SGCZ: variants seen among roughly 807,000 people sequenced by gnomAD.
SGCZ encodes the protein zeta-sarcoglycan.
SGCZ carries 40 observed loss-of-function variants against 41.3 expected under a neutral mutation model. That is an observed-to-expected ratio of 0.97 (90% confidence interval 0.75 to 1.26). SGCZ has a LOEUF of 1.26. SGCZ is among the 50% of genes most tolerant of loss of function. The pLI is 0.00. For synonymous variants in SGCZ, 206 were observed against 137.5 expected (o/e 1.50, Z -3.49); for missense variants, 552 against 369.8 (o/e 1.49, Z -4.04).
At chr8:14,351,726 G>A (rs1017295664) in intron 2 of SGCZ, among the ~76,000 whole-genome samples, 1 of 151,974 alleles carries the variant, frequency 6.6e-6, no homozygotes, top group Non-Finnish European at 1.5e-5. Flanking sequence ...ATGGTACAAT[G>A]ATTAATTTCT....
At chr8:15,167,155 C>T (rs1799689347) in intron 1 of SGCZ, among the ~76,000 whole-genome samples, 1 of 152,198 alleles carries the variant, frequency 6.6e-6, no homozygotes, top group Non-Finnish European at 1.5e-5. Context: ...TGGAAACTAT[C>T]TGTGAGTATC....
chr8:14,464,413 T>C (rs1800989068), intron 2 of SGCZ, among the ~76,000 whole-genome samples: 1 of 151,464 alleles, frequency 6.6e-6, no homozygotes, highest in Admixed American at 6.6e-5. Flanking sequence ...AGGACTCTTA[T>C]AATCCTTTTT....
At chr8:14,806,501 G>A (rs375335972) in intron 1 of SGCZ, among the ~76,000 whole-genome samples, 20 of 152,180 alleles carry the variant, frequency 1.3e-4, no homozygotes, top group Middle Eastern at 3.4e-3. Flanking sequence ...TAAATTCCTC[G>A]ACACATACAC....
chr8:14,108,001 C>A (rs1802257602), intron 6 of SGCZ, among the ~76,000 whole-genome samples, 162 bp downstream of exon 6: 1 of 151,158 alleles, frequency 6.6e-6, no homozygotes, highest in South Asian at 2.1e-4. Context: ...TTTGCCTTTT[C>A]TTTTTTTTTC....
chr8:15,181,066 G>T (rs1012130159), intron 1 of SGCZ, among the ~76,000 whole-genome samples: 3 of 151,788 alleles, frequency 2.0e-5, no homozygotes, highest in African/African-American at 7.3e-5. Flanking sequence ...TGAAAATCTT[G>T]CCACTCAATA....
At chr8:14,482,712 C>T (rs1185999611) in intron 2 of SGCZ, among the ~76,000 whole-genome samples, 1 of 151,980 alleles carries the variant, frequency 6.6e-6, no homozygotes, top group Non-Finnish European at 1.5e-5. Flanking sequence ...GGGTGGGGAT[C>T]ATACAACCTG....
At chr8:14,693,305 T>TTC (rs201209091) in intron 1 of SGCZ, among the ~76,000 whole-genome samples, 20 of 151,382 alleles carry the variant, frequency 1.3e-4, no homozygotes, top group African/African-American at 2.9e-4. Flanking sequence ...TTTTTTTTTT[T>TTC]CCCCCAGATG....
chr8:14,310,062 T>C lies in SGCZ; in HGVS notation c.336+14041A>G, dbSNP rs534850642. The stretch of plus-strand genomic sequence containing the variant: ...AGGAAAAAAAAATTCTGTTGTTCCA[T>C]TGTATGCAGGAGCATATTTTGCTGG... On this transcript the variant is annotated intron_variant, in intron 3 of 7. Coordinates refer to ENST00000382080, the MANE Select transcript of SGCZ (RefSeq NM_139167.4). 1.4e-3 allele frequency among the ~76,000 whole-genome samples: 214 copies of C among 152,302 alleles called. 2 individuals carry two copies. Among genetic ancestry groups the C allele is most frequent in the African/African-American group, 4.9e-3 (202 of 41,582 alleles).
intron 5 of SGCZ, among the ~76,000 whole-genome samples, chr8:14,158,534 C>A (rs1289384707): frequency 6.6e-6 from 1 of 152,086 alleles, no homozygotes; most frequent in Non-Finnish European, 1.5e-5. Context: ...CAGCCAGGAA[C>A]AATACCTTGC....
chr8:14,979,679 G>T (rs1801597699), intron 1 of SGCZ, among the ~76,000 whole-genome samples: 1 of 152,130 alleles, frequency 6.6e-6, no homozygotes. Flanking sequence ...TGAATTCGAA[G>T]CTGTGCCTTT....
chr8:15,171,776 T>G (rs1009170451), intron 1 of SGCZ, among the ~76,000 whole-genome samples: 7 of 152,312 alleles, frequency 4.6e-5, no homozygotes, highest in Admixed American at 3.9e-4. Context: ...ATGTGTCGAA[T>G]AGTACATCTC....
chr8:14,827,356 C>A lies in SGCZ; in HGVS notation c.40-272430G>T, dbSNP rs1432253160. Among the ~76,000 whole-genome samples the A allele has an allele frequency of 3.3e-5, 5 of 151,668 alleles. No homozygotes were observed. In the East Asian group the frequency reaches 9.7e-4, roughly 29 times the overall value. On this transcript the variant is annotated intron_variant, in intron 1 of 7. Coordinates refer to ENST00000382080, the MANE Select transcript of SGCZ (RefSeq NM_139167.4). Reference sequence around the variant, plus strand: ...GGTTCAAGCGATTCTTCTGCCTCAGCCTCCCAAGTAGCTGGGATTACAGGC... The same window carrying A: ...GGTTCAAGCGATTCTTCTGCCTCAGACTCCCAAGTAGCTGGGATTACAGGC...
At chr8:15,072,145 T>G (rs1805376611) in intron 1 of SGCZ, among the ~76,000 whole-genome samples, 1 of 152,094 alleles carries the variant, frequency 6.6e-6, no homozygotes, top group South Asian at 2.1e-4. Context: ...TGGTCTTTAT[T>G]TTCTAGGCAA....
In SGCZ at chr8:15,183,951, A is replaced by G. The variant is rs116341157; in HGVS notation, c.39+53634T>C. Among the ~76,000 whole-genome samples, 1,168 of 152,348 alleles carry G rather than the reference A, an allele frequency of 7.7e-3. 13 individuals carry two copies. Among genetic ancestry groups the G allele is most frequent in the African/African-American group, 0.025 (1,028 of 41,590 alleles). On this transcript the variant is annotated intron_variant, in intron 1 of 7. Transcript: ENST00000382080. ...AGAGTAATAAAGGTCTGTGTAAAGC[A>G]AAGAGAAGGAAGAATTATTGTAAGA...
intron 2 of SGCZ, among the ~76,000 whole-genome samples, chr8:14,435,249 T>C (rs866352530): frequency 6.6e-6 from 1 of 152,158 alleles, no homozygotes; most frequent in Non-Finnish European, 1.5e-5. Flanking sequence ...TTCATGATGT[T>C]CCCTTTGCCT....
chr8:14,927,099 ATTC>A (rs1231636015), intron 1 of SGCZ, among the ~76,000 whole-genome samples: 3,429 of 129,386 alleles, frequency 0.027, 171 homozygotes, highest in African/African-American at 0.094. Context: ...AAAGTTCCTG[ATTC>A]TTTTTTTTTT....
At chr8:14,606,937 T>C (rs932926054) in intron 1 of SGCZ, among the ~76,000 whole-genome samples, 5 of 152,150 alleles carry the variant, frequency 3.3e-5, no homozygotes, top group African/African-American at 4.8e-5. Flanking sequence ...AAATCCAGGA[T>C]ATAGTTCACT....
intron 1 of SGCZ, among the ~76,000 whole-genome samples, chr8:15,046,359 C>T (rs778542508): frequency 1.3e-5 from 2 of 151,868 alleles, no homozygotes; most frequent in Non-Finnish European, 2.9e-5. Flanking sequence ...AAGTTAATTC[C>T]CCCAAATCAT....
chr8:15,235,112 G>A (rs879587133), intron 1 of SGCZ, among the ~76,000 whole-genome samples: 3 of 152,024 alleles, frequency 2.0e-5, no homozygotes, highest in Non-Finnish European at 4.4e-5. Flanking sequence ...TGATCACACC[G>A]GGAGGCTCTT....
Sources: allele counts gnomAD v4.1 joint callset (sites outside exome capture counted in the v4.1 genomes callset), GRCh38; gene constraint gnomAD v4.1.1; transcripts MANE v1.5; gene names NCBI Gene and HGNC (gene_info 2026-07-23, HGNC 2026-07-21).